The following MIPOL1 variants were observed in gnomAD, a reference collection of about 807,000 sequenced individuals.
MIPOL1 encodes the protein mirror-image polydactyly gene 1 protein.
In MIPOL1, 57 loss-of-function variants were observed where a neutral mutation model predicts 60.9. The ratio of observed to expected loss-of-function variants is 0.94; its 90% CI spans 0.76 to 1.17. The LOEUF (loss-of-function observed/expected upper bound fraction) is 1.17. Ranked by LOEUF, MIPOL1 falls within the 50% of genes most tolerant of loss-of-function variation. The pLI, the probability that MIPOL1 is intolerant of heterozygous loss-of-function variation, is 0.00. For missense variants in MIPOL1, 551 were observed against 511.6 expected, an observed-to-expected ratio of 1.08 and a Z score of -0.74; for synonymous variants, 179 against 168.8, an observed-to-expected ratio of 1.06 and a Z score of -0.47.
intron 1 of MIPOL1, among the ~76,000 whole-genome samples, chr14:37,243,450 CT>C (rs1210205700): frequency 2.0e-5 from 3 of 152,184 alleles, no homozygotes; most frequent in African/African-American, 7.2e-5. Flanking sequence ...AAATAGCGTG[CT>C]TTCCTTTTTA....
chr14:37,392,471 A>AAT (rs1263546532), intron 10 of MIPOL1, among the ~76,000 whole-genome samples: 1 of 152,166 alleles, frequency 6.6e-6, no homozygotes, highest in Non-Finnish European at 1.5e-5. Flanking sequence ...GTCATCTACA[A>AAT]ATACAGACAT....
At chr14:37,328,944 T>C (rs1030733355) in intron 9 of MIPOL1, among the ~76,000 whole-genome samples, 21 of 152,080 alleles carry the variant, frequency 1.4e-4, no homozygotes, top group Admixed American at 4.6e-4. Context: ...TAAGAATATA[T>C]AGAATGATCT....
intron 12 of MIPOL1, among the ~76,000 whole-genome samples, chr14:37,535,181 G>C (rs2095500416): frequency 6.6e-6 from 1 of 151,926 alleles, no homozygotes; most frequent in Non-Finnish European, 1.5e-5. Flanking sequence ...TGATTGATTG[G>C]TGAGCTTCAT....
chr14:37,500,165 C>G, intron 12 of MIPOL1, 27 bp downstream of exon 12: 1 of 1,414,354 alleles, frequency 7.1e-7, no homozygotes, highest in South Asian at 1.2e-5. Flanking sequence ...TGTAATAATA[C>G]TTCAAACACA....
At chr14:37,361,965 G>A (rs543791458) in intron 9 of MIPOL1, among the ~76,000 whole-genome samples, 55 of 152,088 alleles carry the variant, frequency 3.6e-4, no homozygotes, top group Non-Finnish European at 5.9e-4. Context: ...CATTTGCTTG[G>A]TAGATCTTCC....
At chr14:37,342,514 C>T (rs2090643272) in intron 9 of MIPOL1, among the ~76,000 whole-genome samples, 1 of 151,780 alleles carries the variant, frequency 6.6e-6, no homozygotes, top group Non-Finnish European at 1.5e-5. Context: ...TCTCCTGCCT[C>T]AGCCTCCCAA....
chr14:37,205,774 C>T (rs1004248991), intron 1 of MIPOL1, among the ~76,000 whole-genome samples: 5 of 152,118 alleles, frequency 3.3e-5, no homozygotes, highest in Non-Finnish European at 5.9e-5. Context: ...CAGCTTCATC[C>T]ATGTCCCTGC....
rs929006865 is a variant in MIPOL1 at position 37,546,824 on chromosome 14, CTGTCCTT to C, written c.1263-79_1263-73del. ...AGGACTGCTTGGTCACAGGCAAATACTGTCCTTTATCAGCCAGGACATTCTTAACAAT... is the reference window on the plus strand; with the variant it reads ...AGGACTGCTTGGTCACAGGCAAATACTATCAGCCAGGACATTCTTAACAAT... On this transcript the variant is annotated intron_variant, in intron 12 of 12. Transcript: ENST00000684589. 33 of 1,113,676 alleles carry C rather than the reference CTGTCCTT, an allele frequency of 3.0e-5. No homozygotes were observed. The Admixed American group carries it at 6.0e-4, about 20-fold the overall frequency. The allele number at this position is 1,113,676 out of a possible 1,614,324, so 69.0% of individuals were successfully genotyped here.
At chr14:37,521,871 A>G (rs894108540) in intron 12 of MIPOL1, among the ~76,000 whole-genome samples, 4 of 143,838 alleles carry the variant, frequency 2.8e-5, no homozygotes, top group African/African-American at 1.1e-4. Context: ...TGACAGACCA[A>G]GACTTTATCT....
At chr14:37,497,960 G>A (rs2095157853) in intron 11 of MIPOL1, among the ~76,000 whole-genome samples, 1 of 151,990 alleles carries the variant, frequency 6.6e-6, no homozygotes, top group African/African-American at 2.4e-5. Flanking sequence ...GAATACCTAG[G>A]TCCATCAAAA....
intron 9 of MIPOL1, among the ~76,000 whole-genome samples, chr14:37,318,816 T>G (rs61989586): frequency 0.87 from 128,498 of 146,922 alleles, 57,795 homozygotes; most frequent in East Asian, 0.98. Context: ...TATTTATTTA[T>G]TTATTTATTT....
At chr14:37,401,567 T>C (rs148867302) in intron 10 of MIPOL1, 6 of 152,182 alleles carry the variant, frequency 3.9e-5, no homozygotes, top group Non-Finnish European at 7.4e-5. Flanking sequence ...TTTATAAATC[T>C]TAGAGGAAAA....
At chr14:37,328,798 C>T (rs2089425855) in intron 9 of MIPOL1, among the ~76,000 whole-genome samples, 1 of 152,130 alleles carries the variant, frequency 6.6e-6, no homozygotes, top group African/African-American at 2.4e-5. Context: ...CCAGGAAAAT[C>T]CAAGTCCTTT....
At chr14:37,505,013 T>C (rs1306332047) in intron 12 of MIPOL1, 1 of 152,104 alleles carries the variant, frequency 6.6e-6, no homozygotes, top group African/African-American at 2.4e-5. Context: ...AAGAAATGGA[T>C]AAATTCCTGG....
chr14:37,407,419 G>A (rs1223803845), intron 10 of MIPOL1, among the ~76,000 whole-genome samples: 1 of 152,160 alleles, frequency 6.6e-6, no homozygotes, highest in Non-Finnish European at 1.5e-5. Context: ...GTCAAAGGCA[G>A]TTGGGAGGAA....
At chr14:37,275,840 T>C (rs184491980) in intron 6 of MIPOL1, among the ~76,000 whole-genome samples, 1 of 151,340 alleles carries the variant, frequency 6.6e-6, no homozygotes, top group East Asian at 1.9e-4. Flanking sequence ...AAAGATTAGC[T>C]GTGGAAGGTT....
intron 7 of MIPOL1, among the ~76,000 whole-genome samples, chr14:37,290,074 C>A (rs936350421): frequency 1.3e-5 from 2 of 152,130 alleles, no homozygotes; most frequent in Non-Finnish European, 2.9e-5. Context: ...TGTGTGTTAT[C>A]CTTGTATTCA....
At chr14:37,419,049 A>T (rs1468120414) in intron 10 of MIPOL1, among the ~76,000 whole-genome samples, 1 of 152,160 alleles carries the variant, frequency 6.6e-6, no homozygotes, top group Non-Finnish European at 1.5e-5. Flanking sequence ...CTCTATGTCG[A>T]TATTTATAGC....
At chr14:37,526,665 G>T (rs949835762) in intron 12 of MIPOL1, among the ~76,000 whole-genome samples, 1 of 151,874 alleles carries the variant, frequency 6.6e-6, no homozygotes, top group East Asian at 1.9e-4. Context: ...ACAGGCGAGA[G>T]CCACCGCACC....
Sources: allele counts gnomAD v4.1 joint callset (sites outside exome capture counted in the v4.1 genomes callset), GRCh38; gene constraint gnomAD v4.1.1; transcripts MANE v1.5; gene names NCBI Gene and HGNC (gene_info 2026-07-23, HGNC 2026-07-21).